DAP: variants seen among roughly 807,000 people sequenced by gnomAD.
DAP encodes the protein death-associated protein 1.
A neutral mutation model predicts 13.8 loss-of-function variants in DAP; 8 were observed. The observed-to-expected ratio is 0.58, with a 90% CI of 0.34 to 1.05. DAP has a LOEUF of 1.05. Among genes scored for constraint, DAP ranks in the 50% least tolerant of loss-of-function variants. The pLI, the probability that DAP is intolerant of heterozygous loss-of-function variation, is 0.03. For missense variants in DAP, 106 were observed against 133.2 expected (o/e 0.80, Z 1.01); for synonymous variants, 47 against 47.5 (o/e 0.99, Z 0.04).
intron 2 of DAP, among the ~76,000 whole-genome samples, chr5:10,709,818 C>T (rs1393774297): frequency 2.0e-5 from 3 of 152,192 alleles, no homozygotes; most frequent in African/African-American, 2.4e-5. Context: ...CAGGGAATAC[C>T]CCCAAAGGGA....
intron 2 of DAP, among the ~76,000 whole-genome samples, chr5:10,693,798 C>A (rs1221940364): frequency 6.6e-6 from 1 of 152,174 alleles, no homozygotes; most frequent in East Asian, 1.9e-4. Context: ...CTTTATTCAA[C>A]CAGACAGTAC....
intron 2 of DAP, among the ~76,000 whole-genome samples, chr5:10,697,228 C>T (rs1354402434): frequency 6.6e-6 from 1 of 152,198 alleles, no homozygotes; most frequent in African/African-American, 2.4e-5. Flanking sequence ...GCTCCTGGCA[C>T]TGCCCTAGGA....
At chr5:10,726,862 C>T (rs916616098) in intron 2 of DAP, among the ~76,000 whole-genome samples, 8 of 152,138 alleles carry the variant, frequency 5.3e-5, no homozygotes, top group African/African-American at 1.7e-4. Flanking sequence ...TTGCTAAGTG[C>T]CAGTCCCCAC....
intron 1 of DAP, among the ~76,000 whole-genome samples, chr5:10,752,036 A>C (rs1240063026): frequency 6.6e-6 from 1 of 152,238 alleles, no homozygotes; most frequent in Non-Finnish European, 1.5e-5. Flanking sequence ...TGTGTTCATA[A>C]AGTAAAAATA....
At chr5:10,738,783 T>G (rs545426971) in intron 2 of DAP, among the ~76,000 whole-genome samples, 31 of 152,348 alleles carry the variant, frequency 2.0e-4, no homozygotes, top group African/African-American at 7.2e-4. Context: ...TTCCTGATTT[T>G]GATAATTATA....
intron 2 of DAP, 68 bp downstream of exon 2, chr5:10,748,107 C>G: frequency 9.0e-7 from 1 of 1,108,898 alleles, no homozygotes; most frequent in South Asian, 1.2e-5. Context: ...GAACAGAGAA[C>G]AAATGTTAAT....
chr5:10,759,742 A>AT (rs1485791844), intron 1 of DAP, among the ~76,000 whole-genome samples: 44 of 97,134 alleles, frequency 4.5e-4, no homozygotes, highest in Admixed American at 7.0e-4. Flanking sequence ...GATAATGGGA[A>AT]TCTTTTTTTT....
rs1007145601 is a variant in DAP, at chr5:10,761,203, G to A, written c.-135C>T. 6 of 320,888 alleles carry A rather than the reference G, an allele frequency of 1.9e-5. No homozygotes were observed. The highest frequency in any genetic ancestry group is 8.3e-5 in the East Asian group (1 of 12,020). 19.9% of individuals were successfully genotyped at this position (320,888 alleles called of 1,614,324 possible). A position where few individuals can be genotyped will look rare whatever the true frequency, so the allele number is the denominator to read the frequency against. ...CGACGCGCGCGCGTGGGGCGCCGGG[G>A]CCGCGCGAGCCGGGTGAGTGCCACT... On this transcript the variant is annotated 5_prime_UTR_variant, in exon 1 of 4. Coordinates refer to ENST00000230895, the MANE Select transcript of DAP (RefSeq NM_004394.3).
chr5:10,723,281 T>C (rs1252539586), intron 2 of DAP, among the ~76,000 whole-genome samples: 1 of 152,218 alleles, frequency 6.6e-6, no homozygotes, highest in Non-Finnish European at 1.5e-5. Context: ...ATAAGAATGA[T>C]AAAAACCATG....
At chr5:10,691,388 G>A (rs5745261) in intron 2 of DAP, among the ~76,000 whole-genome samples, 11 of 152,178 alleles carry the variant, frequency 7.2e-5, no homozygotes, top group East Asian at 5.8e-4. Context: ...TATTTATGAC[G>A]TTTATAAAGT....
At chr5:10,682,342 T>G (rs1205453014) in intron 3 of DAP, among the ~76,000 whole-genome samples, 1 of 149,642 alleles carries the variant, frequency 6.7e-6, no homozygotes, top group East Asian at 2.0e-4. Flanking sequence ...ATGGCGGTTG[T>G]ATATGAGGAA....
intron 2 of DAP, among the ~76,000 whole-genome samples, chr5:10,694,003 G>C (rs1160999789): frequency 6.6e-6 from 1 of 152,138 alleles, no homozygotes; most frequent in African/African-American, 2.4e-5. Context: ...AGAGAGGCTG[G>C]AACCTTGCTT....
intron 2 of DAP, among the ~76,000 whole-genome samples, chr5:10,721,244 A>G (rs893675996): frequency 3.9e-5 from 6 of 152,198 alleles, no homozygotes; most frequent in African/African-American, 1.4e-4. Flanking sequence ...GTGGAAGTGG[A>G]AGTGGCACTA....
intron 2 of DAP, among the ~76,000 whole-genome samples, chr5:10,722,062 A>G (rs896583405): frequency 2.0e-5 from 3 of 152,186 alleles, no homozygotes; most frequent in African/African-American, 7.2e-5. Context: ...ATTATGTATG[A>G]TCTCAGGAAA....
intron 3 of DAP, among the ~76,000 whole-genome samples, chr5:10,681,580 G>T (rs1339297284): frequency 4.7e-5 from 7 of 149,966 alleles, no homozygotes; most frequent in African/African-American, 1.7e-4. Context: ...GTTTGTGGGT[G>T]AGGAACCCCC....
At chr5:10,683,709 A>G in intron 2 of DAP, 138 bp from the exon 3 acceptor site, 2 of 767,882 alleles carry the variant, frequency 2.6e-6, no homozygotes, top group South Asian at 1.6e-5. Context: ...CCTCTGCGTT[A>G]TTTGTTGTAA....
intron 2 of DAP, among the ~76,000 whole-genome samples, chr5:10,695,258 C>T (rs3797114): frequency 0.074 from 11,252 of 152,222 alleles, 617 homozygotes; most frequent in East Asian, 0.28. Flanking sequence ...CCTCTCAGCC[C>T]GCGAACGCTC....
At chr5:10,758,935 T>A (rs1416575255) in intron 1 of DAP, among the ~76,000 whole-genome samples, 1 of 152,124 alleles carries the variant, frequency 6.6e-6, no homozygotes, top group African/African-American at 2.4e-5. Flanking sequence ...AATCTCCATA[T>A]GGGCACTTTG....
At chr5:10,721,798 GTA>G (rs1404469828) in intron 2 of DAP, among the ~76,000 whole-genome samples, 1 of 152,230 alleles carries the variant, frequency 6.6e-6, no homozygotes, top group Non-Finnish European at 1.5e-5. Context: ...AATGGGGACT[GTA>G]ATTGTCATGA....
Sources: allele counts gnomAD v4.1 joint callset (sites outside exome capture counted in the v4.1 genomes callset), GRCh38; gene constraint gnomAD v4.1.1; transcripts MANE v1.5; gene names NCBI Gene and HGNC (gene_info 2026-07-23, HGNC 2026-07-21).